Variants in PVALB observed in about 807,000 individuals in gnomAD.
PVALB encodes the protein parvalbumin alpha.
PVALB carries 11 observed loss-of-function variants against 10.9 expected under a neutral mutation model. The ratio of observed to expected loss-of-function variants is 1.01; its 90% CI spans 0.63 to 1.67. PVALB has a LOEUF of 1.67. Ranked by LOEUF, PVALB falls within the 40% of genes most tolerant of loss-of-function variation. The pLI, the probability that PVALB is intolerant of heterozygous loss-of-function variation, is 0.00. For missense variants in PVALB, 131 were observed against 136.2 expected, an observed-to-expected ratio of 0.96 and a Z score of 0.19; for synonymous variants, 57 against 50.7, an observed-to-expected ratio of 1.12 and a Z score of -0.53.
intron 3 of PVALB, among the ~76,000 whole-genome samples, chr22:36,802,622 A>AG: frequency 6.6e-6 from 1 of 150,464 alleles, no homozygotes; most frequent in Non-Finnish European, 1.5e-5. Flanking sequence ...AAAAAAAAAA[A>AG]AAAAGAAAGA....
At position 36,813,646 on chromosome 22, in the gene PVALB, C is replaced by A; in HGVS notation, c.304G>T (p.Glu102Ter). The change falls in exon 3 of 4, where the codon GAA becomes TAA. Residue 102 changes from glutamate to a stop codon, truncating the protein, a stop_gained and splice_region_variant. Coordinates refer to ENST00000417718, the MANE Select transcript of PVALB (RefSeq NM_001315532.2). LOFTEE classifies it high-confidence loss of function. ...KDGDGKIGVD[E>*]FSTLVAES ...CAGACCCCAGGTCACGGCTACCCAC[C>A]GTCAACCCCAATTTTGCCGTCCCCA... 1 of 1,612,188 alleles carries A rather than the reference C, an allele frequency of 6.2e-7. No homozygotes were observed. The highest frequency in any genetic ancestry group is 8.5e-7 in the Non-Finnish European group (1 of 1,178,218).
At chr22:36,805,157 C>T (rs1938930396) in intron 3 of PVALB, among the ~76,000 whole-genome samples, 2 of 152,176 alleles carry the variant, frequency 1.3e-5, no homozygotes, top group African/African-American at 4.8e-5. Flanking sequence ...TAGAAGACGC[C>T]TTTCCAGCTG....
intron 3 of PVALB, among the ~76,000 whole-genome samples, chr22:36,813,093 A>C (rs1347463487): frequency 6.6e-6 from 1 of 152,220 alleles, no homozygotes; most frequent in African/African-American, 2.4e-5. Flanking sequence ...CTGCAAGGCT[A>C]GAATAGTATA....
chr22:36,817,757 T>A (rs1939170074), upstream of PVALB, among the ~76,000 whole-genome samples: 1 of 152,204 alleles, frequency 6.6e-6, no homozygotes, highest in African/African-American at 2.4e-5. Context: ...CGAAGAACAC[T>A]TCTCAGATCT....
intron 3 of PVALB, among the ~76,000 whole-genome samples, chr22:36,802,426 C>A (rs1306649442): frequency 2.6e-5 from 4 of 151,640 alleles, no homozygotes; most frequent in Non-Finnish European, 5.9e-5. Context: ...CACGGTGAAA[C>A]CCTGTCTCTA....
At chr22:36,815,937 G>T (rs1322325626) in intron 1 of PVALB, among the ~76,000 whole-genome samples, 2 of 152,040 alleles carry the variant, frequency 1.3e-5, no homozygotes. Flanking sequence ...CAGGGGAGGG[G>T]GTGCAAAGCA....
At chr22:36,811,228 A>G (rs1484393481) in intron 3 of PVALB, among the ~76,000 whole-genome samples, 1 of 152,126 alleles carries the variant, frequency 6.6e-6, no homozygotes, top group Non-Finnish European at 1.5e-5. Context: ...CAGAGAGCTG[A>G]GATTACACCA....
At chr22:36,817,230 A>G, upstream of PVALB, 1 of 365,436 alleles carries the variant, frequency 2.7e-6, no homozygotes, top group Non-Finnish European at 4.8e-6. Context: ...CGGACCTGCT[A>G]CCACTCCTGC....
rs563307333 is a variant in PVALB, at chr22:36,802,735, C to T, written c.305-1817G>A. The stretch of plus-strand genomic sequence containing the variant: ...AATAGACATCATCCTTTCCTGTCCC[C>T]AGGCTGTCCTAGGATAGGAAAAGTG... On this transcript the variant is annotated intron_variant, in intron 3 of 3. Coordinates refer to ENST00000417718, the MANE Select transcript of PVALB (RefSeq NM_001315532.2). Among the ~76,000 whole-genome samples, 22 of 152,192 alleles carry T rather than the reference C, an allele frequency of 1.4e-4. No individual in the cohort carries two copies. The East Asian group carries it at 3.5e-3, about 24-fold the overall frequency.
chr22:36,818,149 G>T (rs139343870), upstream of PVALB, among the ~76,000 whole-genome samples: 1 of 152,250 alleles, frequency 6.6e-6, no homozygotes, highest in Non-Finnish European at 1.5e-5. Context: ...GCTGCACTAA[G>T]TCCCAGTGTG....
At position 36,815,163 on chromosome 22, in the gene PVALB, T is replaced by C. The variant is rs1347028600; in HGVS notation, c.134A>G (p.Lys45Arg). The part of the protein sequence containing the change: ...GLKKKSADDV[K>R]KVFHMLDKDK... Reference sequence around the variant, plus strand: ...CTTGTCCAGCATGTGAAACACCTTCTTCACATCATCCGCACTCTTTTTCTT... The same window carrying C: ...CTTGTCCAGCATGTGAAACACCTTCCTCACATCATCCGCACTCTTTTTCTT... The change falls in exon 2 of 4, where the codon AAG (lysine) becomes AGG (arginine). Residue 45 changes from lysine to arginine, a missense_variant. By Grantham distance (26) the Lys-to-Arg change is conservative. Transcript: ENST00000417718. 17 of 1,614,092 alleles carry C rather than the reference T, an allele frequency of 1.1e-5. No homozygotes were observed. The highest frequency in any genetic ancestry group is 2.5e-6 in the Non-Finnish European group (3 of 1,180,042).
At chr22:36,813,476 G>T in intron 3 of PVALB, 170 bp downstream of exon 3, 1 of 575,584 alleles carries the variant, frequency 1.7e-6, no homozygotes, top group Non-Finnish European at 3.2e-6. Flanking sequence ...CCTTTGTCTG[G>T]AGTATGTGGC....
chr22:36,805,648 T>C (rs28473514), intron 3 of PVALB, among the ~76,000 whole-genome samples: 171 of 152,334 alleles, frequency 1.1e-3, no homozygotes, highest in African/African-American at 4.0e-3. Context: ...TTTAGCTCTC[T>C]GAGGCTCAGC....
chr22:36,808,820 A>C (rs916252100), intron 3 of PVALB, among the ~76,000 whole-genome samples: 10 of 152,166 alleles, frequency 6.6e-5, no homozygotes, highest in African/African-American at 1.4e-4. Flanking sequence ...GTGCTTTAAC[A>C]AAGATTTTTT....
In PVALB at chr22:36,809,913, C is replaced by G. The variant is rs1319030757; in HGVS notation, c.304+3733G>C. On this transcript the variant is annotated intron_variant, in intron 3 of 3. Transcript: ENST00000417718. ...TTTTGTTTTGTTTTTGAGATGGAGT[C>G]TAGCTCTGCTGTCCAGGCTGGAGTG... Among the ~76,000 whole-genome samples, 3 of 140,354 alleles carry G rather than the reference C, an allele frequency of 2.1e-5. No individual in the cohort carries two copies. The Admixed American group carries it at 2.4e-4, about 11-fold the overall frequency. The allele number at this position is 140,354 out of a possible 152,430, so 92.1% of individuals were successfully genotyped here.
At chr22:36,804,531 C>A (rs1465750205) in intron 3 of PVALB, among the ~76,000 whole-genome samples, 1 of 152,238 alleles carries the variant, frequency 6.6e-6, no homozygotes, top group Non-Finnish European at 1.5e-5. Context: ...GCCACCCCTT[C>A]CGTGCCTTTC....
chr22:36,810,074 G>T (rs566560705), intron 3 of PVALB, among the ~76,000 whole-genome samples: 1 of 152,052 alleles, frequency 6.6e-6, no homozygotes, highest in East Asian at 1.9e-4. Flanking sequence ...TAGTAGAGGT[G>T]GGGTTTCACC....
Position 36,816,045 on chromosome 22 carries a change from T to TGTGTG in PVALB, c.62-811_62-810insCACAC, listed in dbSNP as rs1555911588. ...AGGGTACAATGTTAGATCATGTATTTTGTGTGTGTGTGTGTGTGTGTGTGT... is the reference window on the plus strand; with the variant it reads ...AGGGTACAATGTTAGATCATGTATTTGTGTGTGTGTGTGTGTGTGTGTGTGTGTGT... On this transcript the variant is annotated intron_variant, in intron 1 of 3. Coordinates refer to ENST00000417718, the MANE Select transcript of PVALB (RefSeq NM_001315532.2). Among the ~76,000 whole-genome samples the TGTGTG allele has an allele frequency of 2.6e-3, 354 of 134,264 alleles. 3 individuals are homozygous for TGTGTG. Among genetic ancestry groups the TGTGTG allele is most frequent in the African/African-American group, 0.011 (318 of 27,696 alleles). The allele number at this position is 134,264 out of a possible 152,430, so 88.1% of individuals were successfully genotyped here.
chr22:36,816,937 T>C lies in PVALB; in HGVS notation c.61+8A>G. 1 of 1,600,902 alleles carries C rather than the reference T, an allele frequency of 6.2e-7. No homozygotes were observed. The highest frequency in any genetic ancestry group is 8.5e-7 in the Non-Finnish European group (1 of 1,176,108). ...GAGAGGGATGGGGAGGGGAGCGCGC[T>C]TGCTCACCGCTAAAGGCTCCCACCG... On this transcript the variant is annotated splice_region_variant and intron_variant, in intron 1 of 3. Transcript: ENST00000417718.
Sources: allele counts gnomAD v4.1 joint callset (sites outside exome capture counted in the v4.1 genomes callset), GRCh38; gene constraint gnomAD v4.1.1; transcripts MANE v1.5; gene names NCBI Gene and HGNC (gene_info 2026-07-23, HGNC 2026-07-21).